The following MTX3 variants were observed in gnomAD, a reference collection of about 807,000 sequenced individuals.
MTX3 encodes the protein metaxin 3.
A neutral mutation model predicts 42.5 loss-of-function variants in MTX3; 27 were observed. The observed-to-expected ratio is 0.64, with a 90% CI of 0.47 to 0.88. The LOEUF (loss-of-function observed/expected upper bound fraction) is 0.88. Among genes scored for constraint, MTX3 ranks in the 40% least tolerant of loss-of-function variants. The pLI, the probability that MTX3 is intolerant of heterozygous loss-of-function variation, is 0.00. For missense variants in MTX3, 378 were observed against 367.0 expected (o/e 1.03, Z -0.25); for synonymous variants, 144 against 132.9 (o/e 1.08, Z -0.57).
Position 79,983,455 on chromosome 5 carries a change from GC to G in MTX3, c.*228del, listed in dbSNP as rs1011248840. 5.2e-5 allele frequency: 27 copies of G among 523,206 alleles called. 1 individual carries two copies. The highest frequency in any genetic ancestry group is 5.0e-4 in the Middle Eastern group (1 of 1,986). 32.4% of individuals were successfully genotyped at this position (523,206 alleles called of 1,614,324 possible). On this transcript the variant is annotated 3_prime_UTR_variant, in exon 9 of 9. Transcript: ENST00000512528. The stretch of plus-strand genomic sequence containing the variant: ...ACAGTACGATGTGTTTTTCTTCCCC[GC>G]CCCCCCAACCAAGTTCATTTAGCAT...
At position 79,990,594 on chromosome 5, in the gene MTX3, C is replaced by A. The variant is rs1323997366; in HGVS notation, c.151G>T (p.Gly51Cys). 1.2e-6 allele frequency: 2 copies of A among 1,600,194 alleles called. No individual in the cohort carries two copies. The highest frequency in any genetic ancestry group is 1.1e-5 in the South Asian group (1 of 89,308). Residue 51 changes from glycine to cysteine, a missense_variant and splice_region_variant, in exon 2 of 9, where the codon GGC becomes TGC. Physicochemically the swap from Gly to Cys is radical, Grantham distance 159. Coordinates refer to ENST00000512528, the MANE Select transcript of MTX3 (RefSeq NM_001363818.2). ...VIDNTWRGSR[G>C]DVPILTTEDD... ...GGGAGTGTAAAGGTTTACACTATAC[C>A]TCTTGAACCTCTCCAGGTGTTATCT...
In MTX3 at chr5:79,988,456, C is replaced by T. The variant is rs779135764; in HGVS notation, c.504+6G>A. 1.2e-6 allele frequency: 2 copies of T among 1,608,122 alleles called. No individual in the cohort carries two copies. The highest frequency in any genetic ancestry group is 1.7e-6 in the Non-Finnish European group (2 of 1,177,884). ...GCCCTTGCTTGAAGAATAATCCATA[C>T]TATACCTGTGCTTCCACTTCTCGGA... On this transcript the variant is annotated splice_donor_region_variant and intron_variant, in intron 5 of 8. Transcript: ENST00000512528.
intron 6 of MTX3, 54 bp from the exon 7 acceptor site, chr5:79,987,161 C>G: frequency 6.5e-7 from 1 of 1,545,538 alleles, no homozygotes; most frequent in Non-Finnish European, 8.9e-7. Flanking sequence ...AACTGAAGGC[C>G]GGGTGTGGTG....
At position 79,983,532 on chromosome 5, in the gene MTX3, T is replaced by TAATAATAGTA. The variant is rs1831419381; in HGVS notation, c.*142_*151dup. ...CCAAGCTAGAATACAAGCTTCCTAA[T>TAATAATAGTA]AATAATAGTAAAAATAGATGGCATA... On this transcript the variant is annotated 3_prime_UTR_variant, in exon 9 of 9. Coordinates refer to ENST00000512528, the MANE Select transcript of MTX3 (RefSeq NM_001363818.2). 1 of 633,652 alleles carries TAATAATAGTA rather than the reference T, an allele frequency of 1.6e-6. No homozygotes were observed. The highest frequency in any genetic ancestry group is 1.8e-5 in the African/African-American group (1 of 54,058). 39.3% of individuals were successfully genotyped at this position (633,652 alleles called of 1,614,324 possible).
In MTX3 at chr5:79,987,104, A is replaced by C. The variant is rs1831511942; in HGVS notation, c.585T>G (p.Pro195=). ...CAAAAACATAGGCATCCAAGGTAGA[A>C]GGCCTAGAAATAAATTAAGGATTTT... ...GTSQFFFGDT[P]STLDAYVFGF... The change falls in exon 7 of 9, where the codon CCT becomes CCG. Residue 195 remains proline (P), a synonymous_variant. Transcript: ENST00000512528. 1 of 1,612,974 alleles carries C rather than the reference A, an allele frequency of 6.2e-7. No individual in the cohort carries two copies. The highest frequency in any genetic ancestry group is 8.5e-7 in the Non-Finnish European group (1 of 1,179,612).
intron 3 of MTX3, 77 bp from the exon 4 acceptor site, chr5:79,989,321 A>G: frequency 2.2e-6 from 2 of 904,086 alleles, no homozygotes; most frequent in Non-Finnish European, 3.3e-6. Flanking sequence ...TCAAATCAGG[A>G]TTCATATTTT....
intron 8 of MTX3, among the ~76,000 whole-genome samples, chr5:79,984,108 G>A (rs1216023040): frequency 6.6e-6 from 1 of 152,120 alleles, no homozygotes; most frequent in African/African-American, 2.4e-5. Context: ...AAGTGTAAAA[G>A]CGGTACTGTT....
Position 79,983,483 on chromosome 5 carries a change from C to A in MTX3, c.*201G>T. 2.5e-6 allele frequency: 1 copy of A among 398,692 alleles called. No individual in the cohort carries two copies. The allele number at this position is 398,692 out of a possible 1,614,324, so 24.7% of individuals were successfully genotyped here. A position where few individuals can be genotyped will look rare whatever the true frequency, so the allele number is the denominator to read the frequency against. ...CCCCCAACCAAGTTCATTTAGCATTCTCTTTGTTATTAAAAATGCAGTGCC... is the reference window on the plus strand; with the variant it reads ...CCCCCAACCAAGTTCATTTAGCATTATCTTTGTTATTAAAAATGCAGTGCC... On this transcript the variant is annotated 3_prime_UTR_variant, in exon 9 of 9. Coordinates refer to ENST00000512528, the MANE Select transcript of MTX3 (RefSeq NM_001363818.2).
rs182381956 is a variant in MTX3, at chr5:79,979,365, T to C, written c.*4319A>G. 1.2e-4 allele frequency: 18 copies of C among 152,304 alleles called. No homozygotes were observed. The highest frequency in any genetic ancestry group is 2.2e-4 in the African/African-American group (9 of 41,576). 9.4% of individuals were successfully genotyped at this position (152,304 alleles called of 1,614,324 possible). On this transcript the variant is annotated 3_prime_UTR_variant, in exon 9 of 9. Transcript: ENST00000512528. ...AATCTGGTTAAGAAATATGAAAATATTGAAAAGTAAACATAAATTCCACAA... is the reference window on the plus strand; with the variant it reads ...AATCTGGTTAAGAAATATGAAAATACTGAAAAGTAAACATAAATTCCACAA...
chr5:79,988,597 C>T lies in MTX3; in HGVS notation c.369G>A (p.Lys123=), dbSNP rs1173963422. 6.2e-7 allele frequency: 1 copy of T among 1,602,448 alleles called. No individual in the cohort carries two copies. Among genetic ancestry groups the T allele is most frequent in the Admixed American group, 1.7e-5 (1 of 58,300 alleles). ...VESDNYFTVT[K]PWFASQIPFP... is the part of the protein sequence containing the mutation. ...AAGGAATTTGTGAAGCAAACCATGG[C>T]TTTGTCACAGTAAAGTAATTGTCAC... The change falls in exon 5 of 9, where the codon AAG becomes AAA. Residue 123 remains lysine, a synonymous_variant. Transcript: ENST00000512528.
rs1202643483 is a variant in MTX3, at chr5:79,991,160, T to C, written c.79A>G (p.Met27Val). 1 of 1,541,746 alleles carries C rather than the reference T, an allele frequency of 6.5e-7. No homozygotes were observed. Among genetic ancestry groups the C allele is most frequent in the East Asian group, 2.5e-5 (1 of 40,712 alleles). The part of the protein sequence containing the change: ...PSVHSESLVV[M>V]AYAKFSGAPL... ...CCTGGCCCGCGAGGCGGCCTCACCATCACCACCAGGGACTCGCTGTGAACC... is the reference window on the plus strand; with the variant it reads ...CCTGGCCCGCGAGGCGGCCTCACCACCACCACCAGGGACTCGCTGTGAACC... The change falls in exon 1 of 9, where the codon ATG becomes GTG. Residue 27 changes from methionine (M) to valine (V), a missense_variant and splice_region_variant. By Grantham distance (21) the Met-to-Val change is conservative (BLOSUM62 1). Transcript: ENST00000512528.
At position 79,991,185 on chromosome 5, in the gene MTX3, C is replaced by A; in HGVS notation, c.54G>T (p.Ser18=). 6.7e-7 allele frequency: 1 copy of A among 1,503,696 alleles called. No individual in the cohort carries two copies. Among genetic ancestry groups the A allele is most frequent in the Non-Finnish European group, 8.9e-7 (1 of 1,119,966 alleles). 93.1% of individuals were successfully genotyped at this position (1,503,696 alleles called of 1,614,324 possible). ...SCWGGGWGLP[S]VHSESLVVMA... ...TCACCACCAGGGACTCGCTGTGAAC[C>A]GATGGGAGTCCCCAGCCGCCTCCCC... The change falls in exon 1 of 9, where the codon TCG becomes TCT. Residue 18 remains serine (S), a synonymous_variant. Coordinates refer to ENST00000512528, the MANE Select transcript of MTX3 (RefSeq NM_001363818.2).
At chr5:79,990,912 C>A (rs1304022128) in intron 1 of MTX3, 2 of 708,704 alleles carry the variant, frequency 2.8e-6, no homozygotes, top group Admixed American at 2.0e-5. Context: ...CACTCCACCG[C>A]CCAGACAGCT....
In MTX3 at chr5:79,983,675, T is replaced by C; in HGVS notation, c.*9A>G. 2.5e-6 allele frequency: 4 copies of C among 1,598,118 alleles called. No individual in the cohort carries two copies. The highest frequency in any genetic ancestry group is 3.4e-6 in the Non-Finnish European group (4 of 1,165,394). Reference sequence around the variant, plus strand: ...ATCGTTTGACTTTGGCCACAAACCATGACTACTCTCAGGGCGAAAGCCGTT... The same window carrying C: ...ATCGTTTGACTTTGGCCACAAACCACGACTACTCTCAGGGCGAAAGCCGTT... On this transcript the variant is annotated 3_prime_UTR_variant, in exon 9 of 9. Transcript: ENST00000512528.
rs1384421461 is a variant in MTX3, at chr5:79,980,416, T to C, written c.*3268A>G. On this transcript the variant is annotated 3_prime_UTR_variant, in exon 9 of 9. Coordinates refer to ENST00000512528, the MANE Select transcript of MTX3 (RefSeq NM_001363818.2). Reference sequence around the variant, plus strand: ...ATGGAAATAAAAATGCTTGCTTTTATAAAATCTCCAGTCTCGCAGCACCCC... The same window carrying C: ...ATGGAAATAAAAATGCTTGCTTTTACAAAATCTCCAGTCTCGCAGCACCCC... 2 of 152,194 alleles carry C rather than the reference T, an allele frequency of 1.3e-5. No individual in the cohort carries two copies. The highest frequency in any genetic ancestry group is 2.9e-5 in the Non-Finnish European group (2 of 68,044). The allele number at this position is 152,194 out of a possible 1,614,324, so 9.4% of individuals were successfully genotyped here. A position where few individuals can be genotyped will look rare whatever the true frequency, so the allele number is the denominator to read the frequency against.
intron 8 of MTX3, 47 bp downstream of exon 8, chr5:79,985,524 G>A (rs768108091): frequency 2.5e-5 from 33 of 1,340,494 alleles, no homozygotes; most frequent in Admixed American, 1.8e-4. Context: ...ATTAGCTACC[G>A]AAAGGAAAAT....
chr5:79,990,772 T>A (rs748125030), intron 1 of MTX3, 109 bp from the exon 2 acceptor site: 171 of 821,044 alleles, frequency 2.1e-4, no homozygotes, highest in Non-Finnish European at 2.6e-4. Context: ...CGACTGATAC[T>A]GAGGCCGCAT....
At chr5:79,984,045 AAAAT>A (rs1435616442) in intron 8 of MTX3, among the ~76,000 whole-genome samples, 1 of 152,252 alleles carries the variant, frequency 6.6e-6, no homozygotes, top group Non-Finnish European at 1.5e-5. Context: ...TTAATTCCAC[AAAAT>A]AAATATTCTA....
At chr5:79,990,285 TGA>T (rs752811598) in intron 2 of MTX3, 49 bp from the exon 3 acceptor site, 1 of 1,274,340 alleles carries the variant, frequency 7.8e-7, no homozygotes, top group Non-Finnish European at 1.1e-6. Flanking sequence ...TGATTTCCTC[TGA>T]GAGATTCCAA....
Sources: gnomAD v4.1 joint callset for allele counts (sites outside exome capture counted in the v4.1 genomes callset) on GRCh38, gnomAD v4.1.1 for gene constraint, MANE v1.5 for transcripts, NCBI Gene and HGNC (gene_info 2026-07-23, HGNC 2026-07-21) for gene names.